Variants in RFX3 observed in about 807,000 individuals in gnomAD.
RFX3 encodes the protein regulatory factor X3, also known as transcription factor RFX3.
Under a neutral mutation model 98.6 loss-of-function variants are expected in RFX3, and 14 were observed. That is an observed-to-expected ratio of 0.14 (90% CI 0.09 to 0.22). The LOEUF (loss-of-function observed/expected upper bound fraction) is 0.22. Among genes scored for constraint, RFX3 ranks in the 10% least tolerant of loss-of-function variants. RFX3 has a pLI of 1.00. For missense variants in RFX3, 639 were observed against 926.9 expected, an observed-to-expected ratio of 0.69 and a Z score of 4.03; for synonymous variants, 383 against 328.4, an observed-to-expected ratio of 1.17 and a Z score of -1.80.
At chr9:3,480,117 C>T (rs1293645075) in intron 1 of RFX3, among the ~76,000 whole-genome samples, 1 of 152,204 alleles carries the variant, frequency 6.6e-6, no homozygotes, top group African/African-American at 2.4e-5. Context: ...CTTACTGGCA[C>T]AACAACCACC....
At chr9:3,506,398 T>C (rs1817099995) in intron 1 of RFX3, among the ~76,000 whole-genome samples, 1 of 151,698 alleles carries the variant, frequency 6.6e-6, no homozygotes, top group African/African-American at 2.4e-5. Flanking sequence ...GAAGTCCTGA[T>C]CCTCTACTTT....
chr9:3,470,999 T>C (rs1382156734), intron 1 of RFX3, among the ~76,000 whole-genome samples: 4 of 152,220 alleles, frequency 2.6e-5, no homozygotes, highest in African/African-American at 9.6e-5. Flanking sequence ...CATCACTATT[T>C]TACAAAAATT....
chr9:3,411,792 T>C (rs1288340386), intron 1 of RFX3, among the ~76,000 whole-genome samples: 1 of 151,724 alleles, frequency 6.6e-6, no homozygotes. Flanking sequence ...CGCAGGCCTC[T>C]TGTTCCCTTC....
chr9:3,506,632 C>G (rs892288942), intron 1 of RFX3, among the ~76,000 whole-genome samples: 2 of 151,404 alleles, frequency 1.3e-5, no homozygotes, highest in African/African-American at 4.9e-5. Flanking sequence ...TTGTTGGATA[C>G]TAAGAAAATC....
intron 15 of RFX3, chr9:3,247,764 T>A: frequency 6.3e-7 from 1 of 1,577,064 alleles, no homozygotes; most frequent in Non-Finnish European, 8.6e-7. Context: ...GGTTCTCAAG[T>A]TTTTCTTTTA....
chr9:3,488,787 A>G, intron 1 of RFX3: 1 of 985,328 alleles, frequency 1.0e-6, no homozygotes, highest in Non-Finnish European at 1.2e-6. Context: ...CAGAACCACA[A>G]GTTTGAAATG....
At chr9:3,520,476 G>C (rs1426622358) in intron 1 of RFX3, among the ~76,000 whole-genome samples, 3 of 152,130 alleles carry the variant, frequency 2.0e-5, no homozygotes, top group Non-Finnish European at 4.4e-5. Flanking sequence ...GATACAAGAA[G>C]TAGCCCAAGA....
At chr9:3,268,817 T>C (rs2131307565) in intron 11 of RFX3, among the ~76,000 whole-genome samples, 2 of 152,006 alleles carry the variant, frequency 1.3e-5, no homozygotes, top group South Asian at 4.1e-4. Flanking sequence ...AAGCAAAAGA[T>C]TTTAGAACTG....
intron 1 of RFX3, among the ~76,000 whole-genome samples, chr9:3,418,397 G>A (rs1235857404): frequency 6.8e-6 from 1 of 147,298 alleles, no homozygotes; most frequent in Admixed American, 6.8e-5. Context: ...GTTTTTTTTT[G>A]GAGATGGAGT....
chr9:3,420,475 C>T (rs1261195453), intron 1 of RFX3, among the ~76,000 whole-genome samples: 1 of 152,196 alleles, frequency 6.6e-6, no homozygotes, highest in Admixed American at 6.5e-5. Flanking sequence ...AACCCCACAA[C>T]AGCCCTTTTA....
chr9:3,513,382 C>G (rs1817830477), intron 1 of RFX3, among the ~76,000 whole-genome samples: 1 of 152,082 alleles, frequency 6.6e-6, no homozygotes, highest in Non-Finnish European at 1.5e-5. Flanking sequence ...ACTGTTCATA[C>G]TCTAGTTTTT....
chr9:3,363,437 G>A (rs1836687485), intron 2 of RFX3, among the ~76,000 whole-genome samples: 1 of 152,270 alleles, frequency 6.6e-6, no homozygotes, highest in Admixed American at 6.5e-5. Flanking sequence ...TTGATATTAT[G>A]CATATTTACA....
At chr9:3,424,564 G>T (rs1013229786) in intron 1 of RFX3, among the ~76,000 whole-genome samples, 8 of 151,462 alleles carry the variant, frequency 5.3e-5, no homozygotes, top group African/African-American at 1.2e-4. Flanking sequence ...GCTTCACCGT[G>T]TTAGCCGGGA....
intron 1 of RFX3, among the ~76,000 whole-genome samples, chr9:3,476,597 A>G (rs984300334): frequency 3.3e-5 from 5 of 152,208 alleles, no homozygotes; most frequent in African/African-American, 4.8e-5. Flanking sequence ...TGATGCATTC[A>G]TGTTGTATTA....
At chr9:3,381,145 C>T (rs948343005) in intron 2 of RFX3, among the ~76,000 whole-genome samples, 99 of 151,978 alleles carry the variant, frequency 6.5e-4, no homozygotes, top group African/African-American at 2.2e-3. Context: ...AATCAATGAA[C>T]CCATAGGCAA....
intron 1 of RFX3, among the ~76,000 whole-genome samples, chr9:3,518,419 C>T (rs866255238): frequency 6.6e-6 from 1 of 152,052 alleles, no homozygotes; most frequent in African/African-American, 2.4e-5. Context: ...CAAAGGGGGT[C>T]ATATAACTAA....
intron 15 of RFX3, among the ~76,000 whole-genome samples, chr9:3,243,383 A>G (rs1003459050): frequency 6.6e-6 from 1 of 151,554 alleles, no homozygotes; most frequent in African/African-American, 2.4e-5. Context: ...ACTAGGCAGT[A>G]TTAATGTAGT....
intron 5 of RFX3, among the ~76,000 whole-genome samples, chr9:3,300,761 T>A (rs775051354): frequency 6.6e-6 from 1 of 151,952 alleles, no homozygotes; most frequent in Non-Finnish European, 1.5e-5. Context: ...TTTTTCCATA[T>A]ATTCAGAAAT....
chr9:3,408,690 G>C (rs1007779519), intron 1 of RFX3, among the ~76,000 whole-genome samples: 11 of 151,670 alleles, frequency 7.3e-5, no homozygotes, highest in African/African-American at 2.2e-4. Flanking sequence ...CGAAACTTAA[G>C]TTGAACACAC....
Sources: gnomAD v4.1 joint callset for allele counts (sites outside exome capture counted in the v4.1 genomes callset) on GRCh38, gnomAD v4.1.1 for gene constraint, MANE v1.5 for transcripts, NCBI Gene and HGNC (gene_info 2026-07-23, HGNC 2026-07-21) for gene names.